The following TBPL1 variants were observed in gnomAD, a reference collection of about 807,000 sequenced individuals.
TBPL1 encodes TATA box-binding protein-like 1.
TBPL1 carries 4 observed loss-of-function variants against 22.1 expected under a neutral mutation model. The observed-to-expected ratio is 0.18, with a 90% CI of 0.09 to 0.41. The LOEUF (loss-of-function observed/expected upper bound fraction) is 0.41. Ranked by LOEUF, TBPL1 falls within the 10% of genes least tolerant of loss-of-function variation. TBPL1 has a pLI of 1.00. For synonymous variants in TBPL1, 64 were observed against 71.0 expected (o/e 0.90, Z 0.50); for missense variants, 115 against 222.3 (o/e 0.52, Z 3.07).
chr6:133,986,863 C>T, intron 6 of TBPL1, 98 bp from the exon 7 acceptor site: 1 of 758,562 alleles, frequency 1.3e-6, no homozygotes, highest in Admixed American at 3.1e-5. Flanking sequence ...ACTTGATATT[C>T]TATACCACTT....
At chr6:133,973,507 T>A (rs900126902) in intron 1 of TBPL1, among the ~76,000 whole-genome samples, 2 of 152,256 alleles carry the variant, frequency 1.3e-5, no homozygotes, top group Non-Finnish European at 2.9e-5. Context: ...AGTTTAAATA[T>A]CTTTCCTGGT....
chr6:133,984,305 T>C, intron 4 of TBPL1, 71 bp from the exon 5 acceptor site: 1 of 1,133,206 alleles, frequency 8.8e-7, no homozygotes, highest in Non-Finnish European at 1.3e-6. Flanking sequence ...TTTTAAGGAT[T>C]GCCATTATGA....
At chr6:133,964,522 C>T in intron 1 of TBPL1, among the ~76,000 whole-genome samples, 1 of 149,812 alleles carries the variant, frequency 6.7e-6, no homozygotes. Flanking sequence ...ACCATCTTGG[C>T]TCACTGCAAG....
intron 1 of TBPL1, among the ~76,000 whole-genome samples, chr6:133,968,209 G>C (rs753349118): frequency 6.6e-6 from 1 of 151,892 alleles, no homozygotes; most frequent in Non-Finnish European, 1.5e-5. Context: ...GGATGATCTC[G>C]ATCTCTTGAC....
intron 1 of TBPL1, among the ~76,000 whole-genome samples, chr6:133,970,858 A>C (rs1348727806): frequency 6.6e-6 from 1 of 152,118 alleles, no homozygotes; most frequent in African/African-American, 2.4e-5. Flanking sequence ...CATATTATAC[A>C]TATTTATGAG....
At chr6:133,977,388 G>C (rs1006716804) in intron 1 of TBPL1, among the ~76,000 whole-genome samples, 10 of 151,914 alleles carry the variant, frequency 6.6e-5, no homozygotes, top group Non-Finnish European at 1.5e-5. Context: ...GAATTTCAAG[G>C]CTTCTTTTTT....
rs2114398762 is a variant in TBPL1 at position 133,987,132 on chromosome 6, G to A, written c.*92G>A. On this transcript the variant is annotated 3_prime_UTR_variant, in exon 7 of 7. Coordinates refer to ENST00000237264, the MANE Select transcript of TBPL1 (RefSeq NM_004865.4). ...AAGGAAAACTGGACCAACAATAATTGAGGAAATAGACTCTTTTATTCATTC... is the reference window on the plus strand; with the variant it reads ...AAGGAAAACTGGACCAACAATAATTAAGGAAATAGACTCTTTTATTCATTC... 8 of 758,078 alleles carry A rather than the reference G, an allele frequency of 1.1e-5. No individual in the cohort carries two copies. The highest frequency in any genetic ancestry group is 1.5e-5 in the Non-Finnish European group (7 of 475,604). 47.0% of individuals were successfully genotyped at this position (758,078 alleles called of 1,614,324 possible). A position where few individuals can be genotyped will look rare whatever the true frequency, so the allele number is the denominator to read the frequency against.
At chr6:133,964,263 CA>C (rs1404830812) in intron 1 of TBPL1, among the ~76,000 whole-genome samples, 1 of 152,094 alleles carries the variant, frequency 6.6e-6, no homozygotes, top group Non-Finnish European at 1.5e-5. Context: ...TTGAGTGACG[CA>C]CCCTTCAACC....
chr6:133,954,498 C>T (rs1459921339), intron 1 of TBPL1, among the ~76,000 whole-genome samples: 1 of 152,162 alleles, frequency 6.6e-6, no homozygotes, highest in Non-Finnish European at 1.5e-5. Flanking sequence ...GTTTGGTATG[C>T]CCAGTGAAAT....
At chr6:133,962,073 G>T (rs1367797937) in intron 1 of TBPL1, among the ~76,000 whole-genome samples, 1 of 152,130 alleles carries the variant, frequency 6.6e-6, no homozygotes, top group African/African-American at 2.4e-5. Flanking sequence ...GACGATTTAG[G>T]CAGCTATAAA....
intron 6 of TBPL1, chr6:133,985,769 CA>C: frequency 6.6e-6 from 1 of 152,254 alleles, no homozygotes; most frequent in East Asian, 1.9e-4. Context: ...AGTTTTGACT[CA>C]TCCCATGGGT....
At chr6:133,984,749 T>G (rs1776478147) in intron 6 of TBPL1, 78 bp downstream of exon 6, 1 of 1,257,542 alleles carries the variant, frequency 8.0e-7, no homozygotes, top group African/African-American at 1.5e-5. Context: ...ATAGAAATAA[T>G]GTGTGATTTG....
rs548328383 is a variant in TBPL1, at chr6:133,982,023, A to G, written c.136-545A>G. ...GCATCTCAACTCTAGGATGCAATAT[A>G]AAGTAGTGATGGGTACCATGAAGCA... On this transcript the variant is annotated intron_variant, in intron 2 of 6. Coordinates refer to ENST00000237264, the MANE Select transcript of TBPL1 (RefSeq NM_004865.4). Among the ~76,000 whole-genome samples the G allele has an allele frequency of 1.8e-4, 27 of 152,316 alleles. No homozygotes were observed. The South Asian group carries it at 2.1e-3, about 12-fold the overall frequency.
intron 1 of TBPL1, among the ~76,000 whole-genome samples, chr6:133,971,401 C>T (rs1776218450): frequency 6.6e-6 from 1 of 152,170 alleles, no homozygotes; most frequent in African/African-American, 2.4e-5. Flanking sequence ...CTTCAACATC[C>T]TGATTTCATT....
intron 1 of TBPL1, among the ~76,000 whole-genome samples, chr6:133,979,357 T>C (rs1158416708): frequency 6.6e-6 from 1 of 152,186 alleles, no homozygotes; most frequent in Non-Finnish European, 1.5e-5. Flanking sequence ...TCATATTTTT[T>C]ATAGTACCAG....
chr6:133,957,122 G>T (rs996022676), intron 1 of TBPL1, among the ~76,000 whole-genome samples: 3 of 152,134 alleles, frequency 2.0e-5, no homozygotes, highest in Non-Finnish European at 1.5e-5. Context: ...GGTTTAAATG[G>T]CTGGTTTTGT....
At chr6:133,975,573 T>C (rs1302702269) in intron 1 of TBPL1, among the ~76,000 whole-genome samples, 1 of 152,176 alleles carries the variant, frequency 6.6e-6, no homozygotes, top group African/African-American at 2.4e-5. Flanking sequence ...ATAATCTTGA[T>C]GCTCAAACCA....
chr6:133,979,957 T>C (rs1245034800), intron 1 of TBPL1, 125 bp from the exon 2 acceptor site: 9 of 772,574 alleles, frequency 1.2e-5, no homozygotes, highest in Non-Finnish European at 1.6e-5. Context: ...AGGGACATGA[T>C]TTGATTCTAG....
chr6:133,971,989 G>T (rs998475862), intron 1 of TBPL1, among the ~76,000 whole-genome samples: 6 of 152,106 alleles, frequency 3.9e-5, no homozygotes, highest in Admixed American at 6.6e-5. Context: ...CAGTAATACA[G>T]CATTTTTTGG....
Sources: gnomAD v4.1 joint callset for allele counts (sites outside exome capture counted in the v4.1 genomes callset) on GRCh38, gnomAD v4.1.1 for gene constraint, MANE v1.5 for transcripts, NCBI Gene and HGNC (gene_info 2026-07-23, HGNC 2026-07-21) for gene names.